FAF1: variants seen among roughly 807,000 people sequenced by gnomAD.
FAF1 encodes Fas associated factor 1.
FAF1 carries 25 observed loss-of-function variants against 92.5 expected under a neutral mutation model. That is an observed-to-expected ratio of 0.27 (90% CI 0.20 to 0.38). FAF1 has a LOEUF of 0.38. FAF1 is among the 10% of genes least tolerant of loss of function. The pLI, the probability that FAF1 is intolerant of heterozygous loss-of-function variation, is 1.00. For missense variants in FAF1, 636 were observed against 793.3 expected, an observed-to-expected ratio of 0.80 and a Z score of 2.38; for synonymous variants, 234 against 273.2, an observed-to-expected ratio of 0.86 and a Z score of 1.42.
rs182782700 is a variant in FAF1 at position 50,887,637 on chromosome 1, C to A, written c.46-29640G>T. On this transcript the variant is annotated intron_variant, in intron 1 of 18. Transcript: ENST00000396153. ...CAGCACCAATTATTAAACAGGGAAT[C>A]CTTTCCCCATTTCTTGTTTTTATCA... is the stretch of plus-strand genomic sequence containing the variant. Among the ~76,000 whole-genome samples the A allele has an allele frequency of 1.5e-3, 230 of 152,284 alleles. 9 individuals are homozygous for A. The highest frequency in any genetic ancestry group is 0.013 in the Admixed American group (203 of 15,302).
At chr1:50,625,761 ACAGT>A (rs1653469872) in intron 8 of FAF1, among the ~76,000 whole-genome samples, 1 of 152,224 alleles carries the variant, frequency 6.6e-6, no homozygotes, top group African/African-American at 2.4e-5. Flanking sequence ...CAGATTATGA[ACAGT>A]CAAATATGTT....
chr1:50,833,332 G>A (rs1374074630), intron 2 of FAF1, among the ~76,000 whole-genome samples: 2 of 151,270 alleles, frequency 1.3e-5, no homozygotes, highest in East Asian at 3.9e-4. Flanking sequence ...ACCATTACAG[G>A]CTTATTATAA....
chr1:50,653,232 C>T (rs1654946069), intron 8 of FAF1, among the ~76,000 whole-genome samples: 1 of 151,660 alleles, frequency 6.6e-6, no homozygotes, highest in Non-Finnish European at 1.5e-5. Flanking sequence ...CATAGATGAC[C>T]AGCCAATAAT....
intron 2 of FAF1, among the ~76,000 whole-genome samples, chr1:50,844,915 A>G (rs1644285567): frequency 6.6e-6 from 1 of 152,148 alleles, no homozygotes; most frequent in Non-Finnish European, 1.5e-5. Context: ...ACCAAGGAAC[A>G]GCGATTCCAA....
intron 8 of FAF1, among the ~76,000 whole-genome samples, chr1:50,629,033 G>A (rs1338642456): frequency 6.6e-6 from 1 of 151,954 alleles, no homozygotes; most frequent in African/African-American, 2.4e-5. Context: ...GGTTAAATGA[G>A]TTATTATATG....
At chr1:50,944,359 A>AT (rs1267206463) in intron 1 of FAF1, among the ~76,000 whole-genome samples, 13 of 152,120 alleles carry the variant, frequency 8.5e-5, no homozygotes, top group African/African-American at 3.1e-4. Flanking sequence ...TTCAAGGGCG[A>AT]TTCTGAAAGA....
At chr1:50,889,199 T>A (rs1290951275) in intron 1 of FAF1, among the ~76,000 whole-genome samples, 3 of 152,256 alleles carry the variant, frequency 2.0e-5, no homozygotes, top group Non-Finnish European at 2.9e-5. Context: ...TTCTGTGGGA[T>A]CGGTGGTGAT....
intron 1 of FAF1, among the ~76,000 whole-genome samples, chr1:50,929,086 A>AAAAG (rs1557593089): frequency 1.3e-4 from 5 of 37,620 alleles, no homozygotes; most frequent in African/African-American, 1.5e-4. Context: ...AAAAAAAAAA[A>AAAAG]AAAGAAAGAA....
intron 8 of FAF1, among the ~76,000 whole-genome samples, chr1:50,601,808 A>G (rs556925561): frequency 1.3e-5 from 2 of 152,066 alleles, no homozygotes; most frequent in South Asian, 4.1e-4. Flanking sequence ...ATTCATATAC[A>G]TATGAATTAG....
chr1:50,500,694 C>T (rs1166911076), intron 15 of FAF1, among the ~76,000 whole-genome samples: 6 of 151,822 alleles, frequency 4.0e-5, no homozygotes, highest in African/African-American at 1.2e-4. Context: ...CTCCTAAAGA[C>T]AATTGAAAAT....
intron 1 of FAF1, among the ~76,000 whole-genome samples, chr1:50,932,982 C>A (rs181732245): frequency 1.3e-5 from 2 of 152,324 alleles, no homozygotes; most frequent in Non-Finnish European, 2.9e-5. Flanking sequence ...CCCATTTCAG[C>A]CATGGCTGGA....
At chr1:50,718,610 A>C (rs1557491739) in intron 6 of FAF1, among the ~76,000 whole-genome samples, 1 of 152,218 alleles carries the variant, frequency 6.6e-6, no homozygotes. Context: ...GTTCATCTTC[A>C]CTAGATTTTA....
At chr1:50,502,568 G>A (rs1647005397) in intron 15 of FAF1, among the ~76,000 whole-genome samples, 1 of 152,170 alleles carries the variant, frequency 6.6e-6, no homozygotes, top group Non-Finnish European at 1.5e-5. Context: ...TCAGGCAGTT[G>A]ACTCACAAGT....
intron 6 of FAF1, among the ~76,000 whole-genome samples, chr1:50,714,404 G>A (rs1418848972): frequency 6.6e-6 from 1 of 151,006 alleles, no homozygotes; most frequent in Non-Finnish European, 1.5e-5. Context: ...TCCCAGCTAC[G>A]CAGGAGGCTG....
intron 1 of FAF1, among the ~76,000 whole-genome samples, chr1:50,887,449 C>A (rs956390398): frequency 1.3e-5 from 2 of 152,148 alleles, no homozygotes; most frequent in Non-Finnish European, 2.9e-5. Context: ...GAAGTCCTTG[C>A]CCATGCCTAT....
intron 9 of FAF1, among the ~76,000 whole-genome samples, chr1:50,585,880 T>TAAAAAAAAAA (rs958484582): frequency 1.1e-5 from 1 of 90,666 alleles, no homozygotes. Context: ...CATCTCTACA[T>TAAAAAAAAAA]AAAAAAAAAA....
intron 18 of FAF1, among the ~76,000 whole-genome samples, chr1:50,447,394 G>A (rs1646242429): frequency 6.6e-6 from 1 of 152,064 alleles, no homozygotes; most frequent in South Asian, 2.1e-4. Context: ...CAAAGTGCTG[G>A]GATTACAGGC....
intron 7 of FAF1, among the ~76,000 whole-genome samples, chr1:50,661,965 C>T (rs138557904): frequency 0.011 from 1,703 of 152,270 alleles, 25 homozygotes; most frequent in African/African-American, 0.039. Flanking sequence ...GAACAAAAAA[C>T]GCTTGAAACC....
chr1:50,950,582 T>C (rs1645206647), intron 1 of FAF1, among the ~76,000 whole-genome samples: 1 of 152,202 alleles, frequency 6.6e-6, no homozygotes, highest in African/African-American at 2.4e-5. Flanking sequence ...CTGCAAGATA[T>C]AGTTTGCTGA....
Sources: allele counts gnomAD v4.1 joint callset (sites outside exome capture counted in the v4.1 genomes callset), GRCh38; gene constraint gnomAD v4.1.1; transcripts MANE v1.5; gene names NCBI Gene and HGNC (gene_info 2026-07-23, HGNC 2026-07-21).